The following RBSN variants were observed in gnomAD, a reference collection of about 807,000 sequenced individuals.
RBSN encodes rabenosyn-5.
In RBSN, 34 loss-of-function variants were observed where a neutral mutation model predicts 60.5. The ratio of observed to expected loss-of-function variants is 0.56; its 90% CI spans 0.43 to 0.75. The LOEUF (loss-of-function observed/expected upper bound fraction) is 0.75, where lower values mean the gene tolerates loss of function less well. Ranked by LOEUF, RBSN falls within the 30% of genes least tolerant of loss-of-function variation. RBSN has a pLI of 0.00. For synonymous variants in RBSN, 322 were observed against 366.9 expected (o/e 0.88, Z 1.40); for missense variants, 845 against 986.8 (o/e 0.86, Z 1.92).
chr3:15,093,684 C>T (rs989795525), intron 4 of RBSN, among the ~76,000 whole-genome samples: 1 of 152,066 alleles, frequency 6.6e-6, no homozygotes, highest in South Asian at 2.1e-4. Flanking sequence ...GCCACCGCAC[C>T]CGGCTGAAGT....
intron 4 of RBSN, 35 bp downstream of exon 4, chr3:15,095,938 G>C: frequency 6.2e-7 from 1 of 1,614,098 alleles, no homozygotes; most frequent in Non-Finnish European, 8.5e-7. Context: ...AGCTCTCAAC[G>C]ACAGCAGGGG....
chr3:15,074,309 G>C lies in RBSN; in HGVS notation c.1828C>G (p.Arg610Gly), dbSNP rs751197202. 2.5e-6 allele frequency: 4 copies of C among 1,614,002 alleles called. No individual in the cohort carries two copies. The highest frequency in any genetic ancestry group is 3.4e-6 in the Non-Finnish European group (4 of 1,180,022). Residue 610 changes from arginine to glycine, a missense_variant, in exon 14 of 14, where the codon CGC becomes GGC. By Grantham distance (125) the Arg-to-Gly change is moderately radical (BLOSUM62 -2). Coordinates refer to ENST00000253699, the MANE Select transcript of RBSN (RefSeq NM_022340.4). This position sits in a 1 kb window ranked among gnomAD's most constrained non-coding sequence, Gnocchi z 6.4. The stretch of plus-strand genomic sequence containing the variant: ...TGTGGCATGCTGCTCTGGGGTAAGC[G>C]CTCCTGGCCAACGGCTGGGGGCCCA... ...WSGPPAVGQERLPQSSMPQQH... is the reference protein window; with the variant it reads ...WSGPPAVGQEGLPQSSMPQQH...
chr3:15,078,020 G>A, intron 11 of RBSN, 55 bp downstream of exon 11: 4 of 1,481,932 alleles, frequency 2.7e-6, no homozygotes, highest in Non-Finnish European at 3.8e-6. Flanking sequence ...CATTTCATTA[G>A]AACAGCATCT....
Position 15,085,047 on chromosome 3 carries a change from T to C in RBSN, c.391-2A>G, listed in dbSNP as rs1323880522. 6.2e-7 allele frequency: 1 copy of C among 1,614,226 alleles called. No individual in the cohort carries two copies. Among genetic ancestry groups the C allele is most frequent in the Non-Finnish European group, 8.5e-7 (1 of 1,180,032 alleles). ...ATTTGTTCTGTCAAATGCAGTGAGC[T>C]GACCGGAAGAAAATAGTGCCAAATG... On this transcript the variant is annotated splice_acceptor_variant, in intron 6 of 13. Transcript: ENST00000253699. LOFTEE classifies it high-confidence loss of function.
intron 5 of RBSN, among the ~76,000 whole-genome samples, chr3:15,089,711 C>T (rs1002399561): frequency 6.6e-6 from 1 of 151,502 alleles, no homozygotes; most frequent in Admixed American, 6.6e-5. Context: ...CCTGGGTTCA[C>T]GCCATTCTCC....
At position 15,078,803 on chromosome 3, in the gene RBSN, T is replaced by C. The variant is rs555424246; in HGVS notation, c.912-642A>G. Among the ~76,000 whole-genome samples, 103 of 100,776 alleles carry C rather than the reference T, an allele frequency of 1.0e-3. 5 individuals carry two copies. The highest frequency in any genetic ancestry group is 3.6e-3 in the African/African-American group (79 of 21,842). 66.1% of individuals were successfully genotyped at this position (100,776 alleles called of 152,430 possible). A position where few individuals can be genotyped will look rare whatever the true frequency, so the allele number is the denominator to read the frequency against. ...ACATATATATATATATATATATATA[T>C]ATATATATATATATATATATACATG... is the stretch of plus-strand genomic sequence containing the variant. On this transcript the variant is annotated intron_variant, in intron 10 of 13. Transcript: ENST00000253699.
rs1470875833 is a variant in RBSN at position 15,082,690 on chromosome 3, A to G, written c.599-82T>C. 2.0e-6 allele frequency: 3 copies of G among 1,529,902 alleles called. No homozygotes were observed. Among genetic ancestry groups the G allele is most frequent in the Non-Finnish European group, 2.6e-6 (3 of 1,132,662 alleles). 94.8% of individuals were successfully genotyped at this position (1,529,902 alleles called of 1,614,324 possible). On this transcript the variant is annotated intron_variant, in intron 8 of 13. Transcript: ENST00000253699. The surrounding 1 kb of genome is among the most constrained non-coding windows in gnomAD (Gnocchi z 4.2). Reference sequence around the variant, plus strand: ...CCACGACCTCAAGGTGTCAGTCCACAGGTGTTTGATTTGGAGAGTAATAAG... The same window carrying G: ...CCACGACCTCAAGGTGTCAGTCCACGGGTGTTTGATTTGGAGAGTAATAAG...
intron 9 of RBSN, 64 bp from the exon 10 acceptor site, chr3:15,080,866 A>G: frequency 7.7e-7 from 1 of 1,298,406 alleles, no homozygotes; most frequent in Non-Finnish European, 1.1e-6. Flanking sequence ...CCCAGAAGCT[A>G]GGCTCCATCA....
At position 15,085,030 on chromosome 3, in the gene RBSN, T is replaced by C. The variant is rs1343422910; in HGVS notation, c.406A>G (p.Arg136Gly). 5 of 1,614,118 alleles carry C rather than the reference T, an allele frequency of 3.1e-6. No individual in the cohort carries two copies. Among genetic ancestry groups the C allele is most frequent in the African/African-American group, 2.7e-5 (2 of 74,942 alleles). The change falls in exon 7 of 14, where the codon AGA becomes GGA. Residue 136 changes from arginine (R) to glycine (G), a missense_variant. Arg to Gly is a moderately radical substitution (Grantham distance 125). Coordinates refer to ENST00000253699, the MANE Select transcript of RBSN (RefSeq NM_022340.4). Reference protein sequence around the residue: ...IRLEKLTAFDRTNTESAKIRA... With the variant: ...IRLEKLTAFDGTNTESAKIRA... ...ATCTTTGCAGACTCAGTATTTGTTC[T>C]GTCAAATGCAGTGAGCTGACCGGAA...
At chr3:15,081,089 C>T (rs989452695) in intron 9 of RBSN, 2 of 308,126 alleles carry the variant, frequency 6.5e-6, no homozygotes, top group Non-Finnish European at 1.2e-5. Context: ...TCTCCACTCA[C>T]TGCAACCTCT....
In RBSN at chr3:15,075,710, C is replaced by G; in HGVS notation, c.1102G>C (p.Glu368Gln). ...AGTGACATCAAACCAAGCAACTTTT[C>G]CTGCAGGGAGTGACAGACAATTTTA... is the stretch of plus-strand genomic sequence containing the variant. ...IRYSATLFVQ[E>Q]KLLGLMSLPT... Residue 368 changes from glutamate (E) to glutamine (Q), a missense_variant and splice_region_variant, in exon 13 of 14, where the codon GAA (glutamate) becomes CAA (glutamine). Glu to Gln is a conservative substitution (Grantham distance 29). Coordinates refer to ENST00000253699, the MANE Select transcript of RBSN (RefSeq NM_022340.4). 6.2e-7 allele frequency: 1 copy of G among 1,613,710 alleles called. No homozygotes were observed. Among genetic ancestry groups the G allele is most frequent in the Non-Finnish European group, 8.5e-7 (1 of 1,179,610 alleles).
At position 15,073,337 on chromosome 3, in the gene RBSN, G is replaced by C. The variant is rs969781355; in HGVS notation, c.*445C>G. 1.2e-5 allele frequency: 2 copies of C among 162,738 alleles called. No homozygotes were observed. The highest frequency in any genetic ancestry group is 4.8e-5 in the African/African-American group (2 of 41,516). The allele number at this position is 162,738 out of a possible 1,614,324, so 10.1% of individuals were successfully genotyped here. ...GAGCTCAGTGGAATCTATCTTCTCT[G>C]TCTTGGCTAAAGGAAGGGCTCTAAA... On this transcript the variant is annotated 3_prime_UTR_variant, in exon 14 of 14. Transcript: ENST00000253699.
chr3:15,093,088 CTATCT>C (rs1486337856), intron 4 of RBSN, among the ~76,000 whole-genome samples: 1 of 152,192 alleles, frequency 6.6e-6, no homozygotes, highest in Non-Finnish European at 1.5e-5. Context: ...AATGACTAAT[CTATCT>C]TTTCTTTTTT....
intron 5 of RBSN, 55 bp downstream of exon 5, chr3:15,090,344 G>A (rs41284023): frequency 6.3e-6 from 10 of 1,595,016 alleles, no homozygotes; most frequent in Non-Finnish European, 8.6e-6. Context: ...ACTTTACCTA[G>A]AACATAGCAG....
chr3:15,088,411 G>A (rs375621159), intron 5 of RBSN, among the ~76,000 whole-genome samples: 3 of 150,494 alleles, frequency 2.0e-5, no homozygotes, highest in Non-Finnish European at 4.4e-5. Flanking sequence ...ACAGAGTCTC[G>A]CTCTGTCACC....
Position 15,090,445 on chromosome 3 carries a change from G to C in RBSN, c.243C>G (p.Phe81Leu), listed in dbSNP as rs1245595694. ...TGTAAGGATCAACCCCTCCATAGCT[G>C]AAAGACTCATATCCTTGGGTCCCTG... is the stretch of plus-strand genomic sequence containing the variant. The part of the protein sequence containing the change: ...AESGTQGYES[F>L]SYGGVDPYMW... Residue 81 changes from phenylalanine to leucine, a missense_variant, in exon 5 of 14, where the codon TTC becomes TTG. By Grantham distance (22) the Phe-to-Leu change is conservative. Coordinates refer to ENST00000253699, the MANE Select transcript of RBSN (RefSeq NM_022340.4). The C allele has an allele frequency of 6.2e-7, 1 of 1,614,192 alleles. No homozygotes were observed. The highest frequency in any genetic ancestry group is 1.7e-5 in the Admixed American group (1 of 60,020).
In RBSN at chr3:15,071,315, C is replaced by A. The variant is rs2042921669; in HGVS notation, c.*2467G>T. 1 of 152,184 alleles carries A rather than the reference C, an allele frequency of 6.6e-6. No individual in the cohort carries two copies. Among genetic ancestry groups the A allele is most frequent in the Non-Finnish European group, 1.5e-5 (1 of 68,038 alleles). 9.4% of individuals were successfully genotyped at this position (152,184 alleles called of 1,614,324 possible). ...AATTATGATGGAAAGCAGCAATTAG[C>A]TTCTGGAACTACCTGCTTTTCAGTT... On this transcript the variant is annotated 3_prime_UTR_variant, in exon 14 of 14. Coordinates refer to ENST00000253699, the MANE Select transcript of RBSN (RefSeq NM_022340.4).
At chr3:15,075,220 C>CGTCGA in intron 13 of RBSN, 1 of 571,256 alleles carries the variant, frequency 1.8e-6, no homozygotes, top group Non-Finnish European at 3.1e-6. Flanking sequence ...AGGTCTGTTC[C>CGTCGA]CCTCATCTAC....
At chr3:15,097,196 A>C (rs2043683304) in intron 2 of RBSN, among the ~76,000 whole-genome samples, 1 of 152,154 alleles carries the variant, frequency 6.6e-6, no homozygotes, top group Non-Finnish European at 1.5e-5. Context: ...GTTAAGTAGC[A>C]AACCTGATGT....
Sources: allele counts gnomAD v4.1 joint callset (sites outside exome capture counted in the v4.1 genomes callset), GRCh38; gene constraint gnomAD v4.1.1; non-coding constraint Gnocchi (gnomAD v3.1); transcripts MANE v1.5; gene names NCBI Gene and HGNC (gene_info 2026-07-23, HGNC 2026-07-21).